Variants in MCTP2 observed in about 807,000 individuals in gnomAD.
The protein encoded by MCTP2 is multiple C2 and transmembrane domain containing 2.
MCTP2 carries 132 observed loss-of-function variants against 111.6 expected under a neutral mutation model. That is an observed-to-expected ratio of 1.18 (90% CI 1.03 to 1.37). The LOEUF is 1.37. Among genes scored for constraint, MCTP2 ranks in the 40% most tolerant of loss-of-function variants. The probability of loss-of-function intolerance (pLI) is 0.00; values close to 1 mark genes in which losing one functional copy is unlikely to be tolerated. For synonymous variants in MCTP2, 395 were observed against 387.7 expected (o/e 1.02, Z -0.22); for missense variants, 1,183 against 1,067.9 (o/e 1.11, Z -1.50).
intron 17 of MCTP2, among the ~76,000 whole-genome samples, chr15:94,428,632 C>G (rs12437944): frequency 0.098 from 14,850 of 152,124 alleles, 894 homozygotes; most frequent in Non-Finnish European, 0.13. Flanking sequence ...AGACACCTAT[C>G]AGACCTTCTC....
rs535169649 is a variant in MCTP2 at position 94,233,359 on chromosome 15, T to A, written c.-66+1695T>A. Among the ~76,000 whole-genome samples, 4 of 152,282 alleles carry A rather than the reference T, an allele frequency of 2.6e-5. No homozygotes were observed. The East Asian group carries it at 7.7e-4, about 29-fold the overall frequency. On this transcript the variant is annotated intron_variant, in intron 1 of 22. Coordinates refer to ENST00000357742, the MANE Select transcript of MCTP2 (RefSeq NM_001385001.1). ...TCTTAACATATTTTGAAAGGCCTGA[T>A]ATATCCAAACAGGGCCAATTAATAA...
At chr15:94,300,450 C>G (rs1488915242) in intron 2 of MCTP2, among the ~76,000 whole-genome samples, 1 of 146,466 alleles carries the variant, frequency 6.8e-6, no homozygotes, top group Admixed American at 7.0e-5. Context: ...GTAGAACCTG[C>G]AGTGAGCTAA....
At chr15:94,459,245 G>A (rs1434814128) in intron 20 of MCTP2, among the ~76,000 whole-genome samples, 1 of 151,962 alleles carries the variant, frequency 6.6e-6, no homozygotes, top group East Asian at 1.9e-4. Flanking sequence ...AGAATATATT[G>A]TTTTGGAATT....
chr15:94,463,661 CAGAA>C (rs778885413), intron 20 of MCTP2, among the ~76,000 whole-genome samples: 19 of 152,234 alleles, frequency 1.2e-4, no homozygotes, highest in Middle Eastern at 6.8e-3. Flanking sequence ...CATGGGATCT[CAGAA>C]AGAAAGCTTT....
At chr15:94,330,657 A>T (rs2077091068) in intron 4 of MCTP2, among the ~76,000 whole-genome samples, 1 of 152,066 alleles carries the variant, frequency 6.6e-6, no homozygotes, top group Non-Finnish European at 1.5e-5. Flanking sequence ...AGGGACAACC[A>T]TGTATGAGGT....
At chr15:94,336,960 A>G (rs1055416597) in intron 4 of MCTP2, among the ~76,000 whole-genome samples, 78 of 152,166 alleles carry the variant, frequency 5.1e-4, no homozygotes, top group African/African-American at 1.7e-3. Context: ...CCACACTACT[A>G]CAAGAGCCTC....
In MCTP2 at chr15:94,285,260, T is replaced by C. The variant is rs946387735; in HGVS notation, c.-65-12941T>C. The stretch of plus-strand genomic sequence containing the variant: ...GGGAAGTTCCTTAGGGAGCTTTTTA[T>C]TGGGAGCTGGTCACAAAGGCACCTC... On this transcript the variant is annotated intron_variant, in intron 1 of 22. Transcript: ENST00000357742. Among the ~76,000 whole-genome samples the C allele has an allele frequency of 5.3e-5, 8 of 152,210 alleles. No individual in the cohort carries two copies. The East Asian group carries it at 1.2e-3, about 22-fold the overall frequency.
In MCTP2 at chr15:94,445,977, G is replaced by T. The variant is rs113283418; in HGVS notation, c.2250+3017G>T. Among the ~76,000 whole-genome samples, 1,445 of 152,276 alleles carry T rather than the reference G, an allele frequency of 9.5e-3. 21 individuals carry two copies. Among genetic ancestry groups the T allele is most frequent in the African/African-American group, 0.033 (1,359 of 41,540 alleles). ...GGCACAACTTCCTCAGGAGATGAAT[G>T]CTTTGCCATGTTCTGCCTGTCTCTG... On this transcript the variant is annotated intron_variant, in intron 19 of 22. Transcript: ENST00000357742.
intron 17 of MCTP2, among the ~76,000 whole-genome samples, chr15:94,426,145 AG>A (rs1833028712): frequency 1.0e-5 from 1 of 99,164 alleles, no homozygotes; most frequent in African/African-American, 4.4e-5. Flanking sequence ...AGAGATTGAG[AG>A]AGAGAGAGAG....
At chr15:94,347,680 A>G (rs1171322207) in intron 8 of MCTP2, among the ~76,000 whole-genome samples, 3 of 152,182 alleles carry the variant, frequency 2.0e-5, no homozygotes, top group Non-Finnish European at 4.4e-5. Flanking sequence ...ACTATATACA[A>G]TCTTTGGTGT....
chr15:94,356,061 G>A, intron 8 of MCTP2, 76 bp from the exon 9 acceptor site: 2 of 1,398,330 alleles, frequency 1.4e-6, no homozygotes, highest in Non-Finnish European at 9.3e-7. Flanking sequence ...ACTGAAAGTT[G>A]GAATTCCTAT....
chr15:94,418,699 T>C (rs757374140), intron 17 of MCTP2, among the ~76,000 whole-genome samples: 2 of 152,164 alleles, frequency 1.3e-5, no homozygotes, highest in Non-Finnish European at 2.9e-5. Flanking sequence ...TCCATTTATA[T>C]GAAATCATCA....
At chr15:94,448,634 G>A (rs1180972079) in intron 19 of MCTP2, among the ~76,000 whole-genome samples, 1 of 152,138 alleles carries the variant, frequency 6.6e-6, no homozygotes, top group Non-Finnish European at 1.5e-5. Flanking sequence ...AAAACAATCT[G>A]AAATCCAGAA....
chr15:94,408,430 TATATA>T (rs1187342849), intron 17 of MCTP2, among the ~76,000 whole-genome samples: 1 of 152,236 alleles, frequency 6.6e-6, no homozygotes, highest in Non-Finnish European at 1.5e-5. Flanking sequence ...GGTTTTAACA[TATATA>T]AGATAGTTTC....
rs530154000 is a variant in MCTP2, at chr15:94,250,046, C to A, written c.-66+18382C>A. Among the ~76,000 whole-genome samples, 12 of 151,828 alleles carry A rather than the reference C, an allele frequency of 7.9e-5. No individual in the cohort carries two copies. The East Asian group carries it at 2.3e-3, about 29-fold the overall frequency. ...AAAAATCAGCCATCAGTGATTTTTT[C>A]ATTTTTTTTTTCCCCAACTTAAGCC... On this transcript the variant is annotated intron_variant, in intron 1 of 22. Transcript: ENST00000357742.
Position 94,424,338 on chromosome 15 carries a change from A to G in MCTP2, c.2086-15838A>G, listed in dbSNP as rs144466064. Among the ~76,000 whole-genome samples, 350 of 152,116 alleles carry G rather than the reference A, an allele frequency of 2.3e-3. 3 individuals are homozygous for G. The highest frequency in any genetic ancestry group is 8.0e-3 in the African/African-American group (334 of 41,522). ...TTTGGGTTTTTTTTTTCCATTATCA[A>G]AAGTACTCTTGTAAACATCATTATA... is the stretch of plus-strand genomic sequence containing the variant. On this transcript the variant is annotated intron_variant, in intron 17 of 22. Transcript: ENST00000357742.
chr15:94,231,534 C>G (rs957608236), upstream of MCTP2: 1 of 152,280 alleles, frequency 6.6e-6, no homozygotes, highest in African/African-American at 2.4e-5. Flanking sequence ...CGGGGGCCCT[C>G]GGTGATGCCC....
chr15:94,332,855 G>A (rs74028564), intron 4 of MCTP2, among the ~76,000 whole-genome samples: 1,765 of 152,226 alleles, frequency 0.012, 35 homozygotes, highest in African/African-American at 0.038. Context: ...CTAGTTTTTA[G>A]AAAATGTTAC....
intron 19 of MCTP2, among the ~76,000 whole-genome samples, chr15:94,455,950 G>A (rs776902275): frequency 1.1e-4 from 17 of 152,050 alleles, no homozygotes; most frequent in African/African-American, 2.7e-4. Flanking sequence ...ATCATTCTTC[G>A]TGTGTCATTT....
Sources: gnomAD v4.1 joint callset for allele counts (sites outside exome capture counted in the v4.1 genomes callset) on GRCh38, gnomAD v4.1.1 for gene constraint, MANE v1.5 for transcripts, NCBI Gene and HGNC (gene_info 2026-07-23, HGNC 2026-07-21) for gene names.